Variants in MAPK10 observed in about 807,000 individuals in gnomAD.
MAPK10 encodes JNK3 alpha protein kinase.
Under a neutral mutation model 59.3 loss-of-function variants are expected in MAPK10, and 25 were observed. The ratio of observed to expected loss-of-function variants is 0.42; its 90% CI spans 0.31 to 0.59. The LOEUF (loss-of-function observed/expected upper bound fraction) is 0.59, where lower values mean the gene tolerates loss of function less well. Ranked by LOEUF, MAPK10 falls within the 20% of genes least tolerant of loss-of-function variation. MAPK10 has a pLI of 0.15. For missense variants in MAPK10, 351 were observed against 568.9 expected (o/e 0.62, Z 3.90); for synonymous variants, 190 against 200.5 (o/e 0.95, Z 0.44).
At chr4:86,415,136 C>CA (rs5860025) in intron 1 of MAPK10, among the ~76,000 whole-genome samples, 31,390 of 105,882 alleles carry the variant, frequency 0.3, 4,351 homozygotes, top group Non-Finnish European at 0.36. Context: ...AAGATTCTGT[C>CA]AAAAAAAAAA....
At chr4:86,215,114 A>G (rs2087088802) in intron 2 of MAPK10, among the ~76,000 whole-genome samples, 1 of 152,210 alleles carries the variant, frequency 6.6e-6, no homozygotes, top group Non-Finnish European at 1.5e-5. Flanking sequence ...CTTGGCATAA[A>G]CAATCAATTA....
intron 4 of MAPK10, among the ~76,000 whole-genome samples, chr4:86,145,286 C>T (rs2064665583): frequency 2.2e-5 from 2 of 89,020 alleles, no homozygotes; most frequent in Non-Finnish European, 4.3e-5. Flanking sequence ...GGCGTGAACC[C>T]GGGAGGCGGA....
In MAPK10 at chr4:86,302,689, TG is replaced by T. The variant is rs554383077; in HGVS notation, c.-7+51840del. Among the ~76,000 whole-genome samples, 72 of 152,312 alleles carry T rather than the reference TG, an allele frequency of 4.7e-4. 1 individual carries two copies. Among genetic ancestry groups the T allele is most frequent in the African/African-American group, 1.7e-3 (70 of 41,572 alleles). The stretch of plus-strand genomic sequence containing the variant: ...ACATCCAAATCTTTGCAAAAACATC[TG>T]AGTCTTAAGGTACCCAAACACAATT... On this transcript the variant is annotated intron_variant, in intron 2 of 13. Transcript: ENST00000641462.
At chr4:86,242,972 G>T (rs898579614) in intron 2 of MAPK10, among the ~76,000 whole-genome samples, 12 of 152,186 alleles carry the variant, frequency 7.9e-5, no homozygotes, top group Non-Finnish European at 1.6e-4. Context: ...GGGATCTTCC[G>T]ATCATTGGGT....
Position 86,101,908 on chromosome 4 carries a change from C to T in MAPK10, c.550G>A (p.Gly184Arg). The change falls in exon 7 of 14, where the codon GGA (glycine) becomes AGA (arginine). Residue 184 changes from glycine to arginine, a missense_variant. Coordinates refer to ENST00000641462, the MANE Select transcript of MAPK10 (RefSeq NM_138982.4). ...LCGIKHLHSA[G>R]IIHRDLKPSN... ...GGTGTTCTTACCCTGTGAATAATTCCAGCAGAATGGAGGTGCTTAATGCCA... is the reference window on the plus strand; with the variant it reads ...GGTGTTCTTACCCTGTGAATAATTCTAGCAGAATGGAGGTGCTTAATGCCA... 6.2e-7 allele frequency: 1 copy of T among 1,613,912 alleles called. No homozygotes were observed. The highest frequency in any genetic ancestry group is 8.5e-7 in the Non-Finnish European group (1 of 1,179,890).
At chr4:86,370,574 T>A (rs1738607459) in intron 1 of MAPK10, 1 of 151,918 alleles carries the variant, frequency 6.6e-6, no homozygotes, top group Non-Finnish European at 1.5e-5. Context: ...ATTGTTAGAC[T>A]GGACCACTTG....
chr4:86,065,133 C>G (rs375970371), intron 10 of MAPK10: 2 of 118,568 alleles, frequency 1.7e-5, no homozygotes, highest in African/African-American at 8.0e-5. Flanking sequence ...AAGCTGGTCT[C>G]GAACTCTGGG....
At chr4:86,329,792 A>T (rs1274644631) in intron 2 of MAPK10, among the ~76,000 whole-genome samples, 1 of 152,122 alleles carries the variant, frequency 6.6e-6, no homozygotes, top group African/African-American at 2.4e-5. Flanking sequence ...CAATTAGTCA[A>T]TATAGCACTT....
chr4:86,401,909 T>C (rs987974066), intron 1 of MAPK10, among the ~76,000 whole-genome samples: 1 of 152,210 alleles, frequency 6.6e-6, no homozygotes, highest in Admixed American at 6.5e-5. Flanking sequence ...TTTTGGAGTA[T>C]CTTGAAACTT....
chr4:86,031,831 T>C (rs143292878), intron 11 of MAPK10: 111 of 160,824 alleles, frequency 6.9e-4, no homozygotes, highest in African/African-American at 2.6e-3. Flanking sequence ...AAAATTCTTC[T>C]AGGCTAATAA....
In MAPK10 at chr4:86,322,485, A is replaced by G. The variant is rs1481297705; in HGVS notation, c.-7+32045T>C. ...CAACCCAACCTGAACGATGCCTATA[A>G]AAAAGTCTAACATCCTTCTGCTCAA... On this transcript the variant is annotated intron_variant, in intron 2 of 13. Coordinates refer to ENST00000641462, the MANE Select transcript of MAPK10 (RefSeq NM_138982.4). 2.0e-5 allele frequency among the ~76,000 whole-genome samples: 3 copies of G among 152,330 alleles called. No individual in the cohort carries two copies. In the East Asian group the frequency reaches 5.8e-4, roughly 29 times the overall value.
At chr4:86,570,761 A>T (rs757511214) in intron 1 of MAPK10, among the ~76,000 whole-genome samples, 3 of 152,200 alleles carry the variant, frequency 2.0e-5, no homozygotes, top group Non-Finnish European at 4.4e-5. Flanking sequence ...GTTTCAGGAA[A>T]GACTTCCTGG....
intron 1 of MAPK10, among the ~76,000 whole-genome samples, chr4:86,561,567 T>C (rs550521719): frequency 1.3e-5 from 2 of 152,344 alleles, no homozygotes; most frequent in South Asian, 4.1e-4. Context: ...TCTGGTGTTA[T>C]TGAGATCTGT....
intron 9 of MAPK10, chr4:86,081,386 A>C (rs2050621702): frequency 6.6e-6 from 1 of 152,080 alleles, no homozygotes. Context: ...CCAACTTCTA[A>C]AACTATTATA....
At chr4:86,165,409 G>A (rs1465339851) in intron 3 of MAPK10, among the ~76,000 whole-genome samples, 3 of 151,816 alleles carry the variant, frequency 2.0e-5, no homozygotes, top group Admixed American at 1.3e-4. Context: ...ACAGGGTCTC[G>A]CTCTGTCATC....
chr4:86,327,976 C>T (rs1478935860), intron 2 of MAPK10, among the ~76,000 whole-genome samples: 1 of 151,702 alleles, frequency 6.6e-6, no homozygotes, highest in Non-Finnish European at 1.5e-5. Flanking sequence ...TAATATAAAA[C>T]AAAAACTATT....
At position 86,484,948 on chromosome 4, in the gene MAPK10, G is replaced by A. The variant is rs566118791; in HGVS notation, c.-263+108962C>T. ...GTGTATTTAAGAGGCTTCTGTAAAA[G>A]TCTAAGAGAGAGCAGTCAGGAGTCT... On this transcript the variant is annotated intron_variant, in intron 1 of 4. Transcript: ENST00000502302. Among the ~76,000 whole-genome samples the A allele has an allele frequency of 1.6e-4, 25 of 152,300 alleles. No individual in the cohort carries two copies. In the South Asian group the frequency reaches 1.9e-3, roughly 11 times the overall value.
At chr4:86,043,147 C>T (rs1208596705) in intron 11 of MAPK10, among the ~76,000 whole-genome samples, 1 of 151,848 alleles carries the variant, frequency 6.6e-6, no homozygotes, top group South Asian at 2.1e-4. Flanking sequence ...TAGAATTGAG[C>T]CATTTATGAT....
chr4:86,019,301 T>G (rs1006147290), intron 13 of MAPK10, among the ~76,000 whole-genome samples: 1 of 152,168 alleles, frequency 6.6e-6, no homozygotes, highest in Non-Finnish European at 1.5e-5. Flanking sequence ...CTTATGAATT[T>G]TTCATGTTCT....
Sources: allele counts gnomAD v4.1 joint callset (sites outside exome capture counted in the v4.1 genomes callset), GRCh38; gene constraint gnomAD v4.1.1; transcripts MANE v1.5; gene names NCBI Gene and HGNC (gene_info 2026-07-23, HGNC 2026-07-21).